Variants in SLCO1A2 observed in about 807,000 individuals in gnomAD.
The protein encoded by SLCO1A2 is OATP-1.
In SLCO1A2, 67 loss-of-function variants were observed where a neutral mutation model predicts 69.0. The observed-to-expected ratio is 0.97, with a 90% CI of 0.80 to 1.19. The LOEUF (loss-of-function observed/expected upper bound fraction) is 1.19, where lower values mean the gene tolerates loss of function less well. Ranked by LOEUF, SLCO1A2 falls within the 50% of genes most tolerant of loss-of-function variation. The pLI is 0.00. For missense variants in SLCO1A2, 787 were observed against 793.7 expected (o/e 0.99, Z 0.10); for synonymous variants, 260 against 265.9 (o/e 0.98, Z 0.22).
chr12:21,350,633 G>A (rs1168947662), intron 2 of SLCO1A2, among the ~76,000 whole-genome samples: 5 of 151,740 alleles, frequency 3.3e-5, no homozygotes, highest in East Asian at 1.9e-4. Flanking sequence ...TCAGAAGATC[G>A]AGACCATCCT....
At chr12:21,360,084 G>T (rs1405416384) in intron 2 of SLCO1A2, among the ~76,000 whole-genome samples, 1 of 152,044 alleles carries the variant, frequency 6.6e-6, no homozygotes, top group African/African-American at 2.4e-5. Flanking sequence ...TCTGGAAAAT[G>T]CAAACAAATC....
intron 3 of SLCO1A2, among the ~76,000 whole-genome samples, chr12:21,316,229 A>G (rs1950845357): frequency 6.6e-6 from 1 of 152,196 alleles, no homozygotes; most frequent in Non-Finnish European, 1.5e-5. Context: ...TCACCAGGGC[A>G]CTGCCATTTT....
chr12:21,355,228 G>A (rs2137025741), intron 2 of SLCO1A2, among the ~76,000 whole-genome samples: 1 of 152,264 alleles, frequency 6.6e-6, no homozygotes, highest in East Asian at 1.9e-4. Flanking sequence ...CCTTTATAGA[G>A]TAGAATTTGT....
chr12:21,402,222 T>C (rs1162613597), intron 1 of SLCO1A2, among the ~76,000 whole-genome samples: 3 of 150,696 alleles, frequency 2.0e-5, no homozygotes, highest in African/African-American at 4.9e-5. Flanking sequence ...AGGCAAAAAG[T>C]ACCATAAATA....
chr12:21,378,389 T>A, intron 1 of SLCO1A2: 1 of 1,613,718 alleles, frequency 6.2e-7, no homozygotes, highest in Admixed American at 1.7e-5. Context: ...GCAGTAGAGG[T>A]TTTAAAGAGA....
chr12:21,350,822 C>T (rs1373033480), intron 2 of SLCO1A2, among the ~76,000 whole-genome samples: 5 of 91,388 alleles, frequency 5.5e-5, no homozygotes, highest in Admixed American at 1.9e-4. Flanking sequence ...GGTGACAGAG[C>T]AAGACTCTGT....
intron 1 of SLCO1A2, among the ~76,000 whole-genome samples, chr12:21,384,762 TTTTTTTC>T (rs1940782613): frequency 6.7e-6 from 1 of 148,754 alleles, no homozygotes. Flanking sequence ...CCACTTAGTT[TTTTTTTC>T]TTTTTTTTTT....
rs761162835 is a variant in SLCO1A2, at chr12:21,314,549, T to C, written c.335A>G (p.Gln112Arg). 4.3e-6 allele frequency: 7 copies of C among 1,613,670 alleles called. No homozygotes were observed. In the Admixed American group the frequency reaches 1.2e-4, roughly 27 times the overall value. ...LKSLPHFLMN[Q>R]YEYESTVSVS... ...AAAATTATCAGACTGGAGTACTTACTGGTTCATGAGGAAATGAGGTAGTGA... is the reference window on the plus strand; with the variant it reads ...AAAATTATCAGACTGGAGTACTTACCGGTTCATGAGGAAATGAGGTAGTGA... Residue 112 changes from glutamine (Q) to arginine (R), a missense_variant and splice_region_variant, in exon 4 of 15, where the codon CAA becomes CGA. Gln to Arg is a conservative substitution (Grantham distance 43). Coordinates refer to ENST00000683939, the MANE Select transcript of SLCO1A2 (RefSeq NM_001386879.1).
chr12:21,412,591 C>G (rs1941924965), intron 1 of SLCO1A2, among the ~76,000 whole-genome samples: 1 of 152,064 alleles, frequency 6.6e-6, no homozygotes, highest in Admixed American at 6.6e-5. Flanking sequence ...CAAATATTTG[C>G]CTTTCTTCAC....
chr12:21,276,094 G>A (rs952753737), intron 12 of SLCO1A2, among the ~76,000 whole-genome samples: 19 of 152,040 alleles, frequency 1.2e-4, no homozygotes, highest in African/African-American at 4.3e-4. Flanking sequence ...AAATCTTGGA[G>A]GTTTTAATTT....
Position 21,275,350 on chromosome 12 carries a change from CTA to C in SLCO1A2, c.1675+8_1675+9del. The C allele has an allele frequency of 1.3e-6, 2 of 1,548,864 alleles. No individual in the cohort carries two copies. ...TCTGATAGGATGTGGGAAAAAATAACTATTTTTACCAAATACTCTTGTGCAAA... is the reference window on the plus strand; with the variant it reads ...TCTGATAGGATGTGGGAAAAAATAACTTTTTACCAAATACTCTTGTGCAAA... On this transcript the variant is annotated splice_region_variant and intron_variant, in intron 13 of 14. Coordinates refer to ENST00000683939, the MANE Select transcript of SLCO1A2 (RefSeq NM_001386879.1).
intron 1 of SLCO1A2, among the ~76,000 whole-genome samples, chr12:21,409,614 AGTGACTG>A (rs1335899954): frequency 1.3e-5 from 2 of 152,212 alleles, no homozygotes; most frequent in African/African-American, 4.8e-5. Flanking sequence ...AGTTTGTGGT[AGTGACTG>A]CAGAAGCTCT....
At chr12:21,406,187 TG>T (rs1458449672) in intron 1 of SLCO1A2, among the ~76,000 whole-genome samples, 1 of 151,960 alleles carries the variant, frequency 6.6e-6, no homozygotes, top group African/African-American at 2.4e-5. Flanking sequence ...TCTGTGTGTC[TG>T]TGTGTGTGTG....
chr12:21,318,708 G>A, intron 3 of SLCO1A2, 74 bp downstream of exon 3: 4 of 1,319,886 alleles, frequency 3.0e-6, no homozygotes, highest in South Asian at 1.5e-5. Flanking sequence ...CAGCAAATAA[G>A]GAGAATAAAA....
At chr12:21,312,014 AGG>A (rs1233912405) in intron 4 of SLCO1A2, among the ~76,000 whole-genome samples, 42 of 149,816 alleles carry the variant, frequency 2.8e-4, no homozygotes, top group African/African-American at 9.1e-4. Context: ...GAAGAAGAGG[AGG>A]AGGGAGGAGG....
At chr12:21,275,520 T>A in intron 12 of SLCO1A2, 96 bp from the exon 13 acceptor site, 11 of 1,215,116 alleles carry the variant, frequency 9.1e-6, no homozygotes, top group South Asian at 2.7e-5. Flanking sequence ...TCACACATAA[T>A]GAACATTCAA....
At chr12:21,356,552 G>C (rs1039329958) in intron 2 of SLCO1A2, among the ~76,000 whole-genome samples, 3 of 151,588 alleles carry the variant, frequency 2.0e-5, no homozygotes, top group African/African-American at 7.3e-5. Context: ...CATAATATTT[G>C]AAAAGGTAAC....
intron 1 of SLCO1A2, among the ~76,000 whole-genome samples, chr12:21,387,815 G>A (rs1413659224): frequency 2.0e-5 from 3 of 152,076 alleles, no homozygotes; most frequent in East Asian, 1.9e-4. Flanking sequence ...AGCTTGCACC[G>A]TGCACCTGGA....
upstream of SLCO1A2, among the ~76,000 whole-genome samples, chr12:21,400,161 G>A (rs1354543334): frequency 2.6e-4 from 39 of 151,836 alleles, no homozygotes; most frequent in South Asian, 1.3e-3. Context: ...ATCTACAATG[G>A]GCTCAAACAA....
Sources: allele counts gnomAD v4.1 joint callset (sites outside exome capture counted in the v4.1 genomes callset), GRCh38; gene constraint gnomAD v4.1.1; transcripts MANE v1.5; gene names NCBI Gene and HGNC (gene_info 2026-07-23, HGNC 2026-07-21).